The following ENKUR variants were observed in gnomAD, a reference collection of about 807,000 sequenced individuals.
The protein encoded by ENKUR is enkurin, TRPC channel interacting protein.
Under a neutral mutation model 27.6 loss-of-function variants are expected in ENKUR, and 19 were observed. The ratio of observed to expected loss-of-function variants is 0.69; its 90% CI spans 0.48 to 1.01. The LOEUF is 1.01. ENKUR is among the 50% of genes least tolerant of loss of function. The pLI is 0.00. For missense variants in ENKUR, 312 were observed against 310.5 expected, an observed-to-expected ratio of 1.00 and a Z score of -0.04; for synonymous variants, 117 against 96.9, an observed-to-expected ratio of 1.21 and a Z score of -1.22.
intron 2 of ENKUR, among the ~76,000 whole-genome samples, chr10:25,037,824 T>G (rs1345623105): frequency 6.6e-6 from 1 of 152,202 alleles, no homozygotes; most frequent in East Asian, 1.9e-4. Flanking sequence ...CATTTCAGCT[T>G]TAGCATTTAT....
intron 2 of ENKUR, chr10:25,023,292 T>TA: frequency 6.2e-7 from 1 of 1,614,140 alleles, no homozygotes; most frequent in Non-Finnish European, 8.5e-7. Context: ...GTATACATGT[T>TA]AAAACGGATA....
chr10:25,024,926 A>G, intron 2 of ENKUR: 1 of 1,613,950 alleles, frequency 6.2e-7, no homozygotes, highest in Non-Finnish European at 8.5e-7. Context: ...GATATTCTCA[A>G]ATCTTCAAAC....
At chr10:25,027,495 G>A (rs1473198580) in intron 2 of ENKUR, among the ~76,000 whole-genome samples, 4 of 147,396 alleles carry the variant, frequency 2.7e-5, no homozygotes, top group South Asian at 2.2e-4. Flanking sequence ...CAGAGATTGC[G>A]CCGTTGCACT....
At chr10:25,024,097 G>T (rs1175722622) in intron 2 of ENKUR, 5 of 1,614,092 alleles carry the variant, frequency 3.1e-6, no homozygotes, top group Non-Finnish European at 4.2e-6. Flanking sequence ...CGTAGAAAGA[G>T]CACAGATACT....
intron 4 of ENKUR, among the ~76,000 whole-genome samples, chr10:24,988,266 TTA>T (rs1394844973): frequency 7.9e-5 from 11 of 139,910 alleles, no homozygotes; most frequent in Non-Finnish European, 9.0e-5. Flanking sequence ...ATATATATAT[TTA>T]TATATATGTG....
intron 2 of ENKUR, among the ~76,000 whole-genome samples, chr10:25,042,316 A>G (rs1851073568): frequency 2.0e-5 from 3 of 151,010 alleles, no homozygotes; most frequent in South Asian, 4.2e-4. Flanking sequence ...ATCTTTTGAA[A>G]GATAGTATGT....
intron 1 of ENKUR, among the ~76,000 whole-genome samples, chr10:25,011,732 T>C (rs1227962374): frequency 1.3e-5 from 2 of 152,102 alleles, no homozygotes; most frequent in African/African-American, 4.8e-5. Context: ...AATTGACAAA[T>C]GGCAACTTAT....
intron 2 of ENKUR, chr10:25,025,202 TG>T: frequency 1.9e-6 from 3 of 1,614,212 alleles, no homozygotes; most frequent in Non-Finnish European, 2.5e-6. Flanking sequence ...ACTTGCCCTG[TG>T]ATTATCTCAT....
intron 1 of ENKUR, among the ~76,000 whole-genome samples, chr10:25,009,345 A>G (rs1054386853): frequency 1.3e-5 from 2 of 152,186 alleles, no homozygotes; most frequent in African/African-American, 4.8e-5. Context: ...TATTACATTC[A>G]TAGAGAAGCA....
At chr10:25,008,955 A>G (rs1470497485) in intron 1 of ENKUR, among the ~76,000 whole-genome samples, 1 of 152,204 alleles carries the variant, frequency 6.6e-6, no homozygotes, top group Non-Finnish European at 1.5e-5. Flanking sequence ...TGTCCTTTGT[A>G]GGGACATGGA....
chr10:25,053,077 T>TA (rs35496731), intron 2 of ENKUR, among the ~76,000 whole-genome samples: 2,826 of 140,286 alleles, frequency 0.02, 27 homozygotes, highest in Non-Finnish European at 0.023. Context: ...CTTGTCTCTT[T>TA]AAAAAAAAAA....
chr10:25,035,832 C>T (rs1248315270), intron 2 of ENKUR, among the ~76,000 whole-genome samples: 7 of 152,214 alleles, frequency 4.6e-5, no homozygotes, highest in Admixed American at 2.0e-4. Context: ...CTGTTTGACT[C>T]AAGGTCATTC....
At chr10:24,984,661 A>T (rs970445901) in intron 5 of ENKUR, 75 bp downstream of exon 5, 8 of 1,393,334 alleles carry the variant, frequency 5.7e-6, no homozygotes, top group Admixed American at 2.6e-5. Flanking sequence ...TTTTTGAAAA[A>T]CTTGGAGTTT....
chr10:24,986,895 C>G (rs892545278), intron 4 of ENKUR, among the ~76,000 whole-genome samples: 1 of 152,082 alleles, frequency 6.6e-6, no homozygotes, highest in Non-Finnish European at 1.5e-5. Flanking sequence ...CTTAATTTTC[C>G]TCTCTTCTAT....
intron 2 of ENKUR, chr10:25,023,113 T>C: frequency 2.0e-6 from 2 of 1,013,468 alleles, no homozygotes; most frequent in Non-Finnish European, 2.9e-6. Context: ...ATTTTAACAA[T>C]CTACTGTAAT....
chr10:25,061,630 A>G (rs1469514133), intron 1 of ENKUR, among the ~76,000 whole-genome samples: 1 of 152,164 alleles, frequency 6.6e-6, no homozygotes, highest in Non-Finnish European at 1.5e-5. Context: ...AAAATCGGAA[A>G]ATCAACATGT....
chr10:24,991,319 A>G (rs1849923094), intron 3 of ENKUR, among the ~76,000 whole-genome samples: 1 of 152,054 alleles, frequency 6.6e-6, no homozygotes. Flanking sequence ...AATATCTTGA[A>G]TATTTTGAAG....
chr10:25,021,870 G>C (rs1850725592), intron 2 of ENKUR: 1 of 152,176 alleles, frequency 6.6e-6, no homozygotes, highest in Non-Finnish European at 1.5e-5. Context: ...AGTCAAATAA[G>C]GAAATGAATT....
Position 25,024,051 on chromosome 10 carries a change from C to T in ENKUR, c.38-28182G>A. 1.9e-6 allele frequency: 3 copies of T among 1,614,160 alleles called. No homozygotes were observed. The East Asian group carries it at 6.7e-5, about 36-fold the overall frequency. Reference sequence around the variant, plus strand: ...CTGCAAAGGAGTTTCCAAAATTAAGCTGCGGGGAGTGGAAAAGCCTAGTAG... The same window carrying T: ...CTGCAAAGGAGTTTCCAAAATTAAGTTGCGGGGAGTGGAAAAGCCTAGTAG... On this transcript the variant is annotated intron_variant, in intron 2 of 5. Transcript: ENST00000615958.
Sources: gnomAD v4.1 joint callset for allele counts (sites outside exome capture counted in the v4.1 genomes callset) on GRCh38, gnomAD v4.1.1 for gene constraint, MANE v1.5 for transcripts, NCBI Gene and HGNC (gene_info 2026-07-23, HGNC 2026-07-21) for gene names.